Variants in NAV3 observed in about 807,000 individuals in gnomAD.
The protein encoded by NAV3 is neuron navigator 3, also known as pore membrane and/or filament interacting like protein 1.
A neutral mutation model predicts 244.7 loss-of-function variants in NAV3; 87 were observed. The ratio of observed to expected loss-of-function variants is 0.36; its 90% CI spans 0.30 to 0.42. The LOEUF is 0.42. Among genes scored for constraint, NAV3 ranks in the 20% least tolerant of loss-of-function variants. The probability of loss-of-function intolerance (pLI) is 1.00; values close to 1 mark genes in which losing one functional copy is unlikely to be tolerated. For synonymous variants in NAV3, 1,126 were observed against 1,042.2 expected (o/e 1.08, Z -1.55); for missense variants, 2,663 against 2,893.3 (o/e 0.92, Z 1.83).
chr12:77,920,916 T>A (rs1371036242), intron 1 of NAV3, among the ~76,000 whole-genome samples: 1 of 152,130 alleles, frequency 6.6e-6, no homozygotes, highest in African/African-American at 2.4e-5. Flanking sequence ...ATATGAATTA[T>A]TTGTTCATAT....
chr12:78,049,925 C>A (rs1017285481), intron 9 of NAV3, 68 bp from the exon 10 acceptor site: 4 of 975,930 alleles, frequency 4.1e-6, no homozygotes, highest in Non-Finnish European at 6.3e-6. Context: ...ACTTAATTAT[C>A]TAGGTATACA....
At chr12:78,126,346 A>G (rs1275573085) in intron 16 of NAV3, among the ~76,000 whole-genome samples, 6 of 152,318 alleles carry the variant, frequency 3.9e-5, no homozygotes, top group Admixed American at 6.5e-5. Flanking sequence ...GAAGAAAGCT[A>G]TAATTCTGCA....
rs2139849966 is a variant in NAV3, at chr12:78,188,614, T to C, written c.5892T>C (p.Tyr1964=). The C allele has an allele frequency of 6.2e-7, 1 of 1,610,576 alleles. No homozygotes were observed. Among genetic ancestry groups the C allele is most frequent in the African/African-American group, 1.3e-5 (1 of 74,898 alleles). Residue 1964 remains tyrosine, a synonymous_variant, in exon 33 of 40, where the codon TAT becomes TAC. Coordinates refer to ENST00000397909, the MANE Select transcript of NAV3 (RefSeq NM_001024383.2). ...TTTTGTGTGTACCATTGTAGGAATA[T>C]GTATTCCGAATTGATACATCCACTA... ...DGVIRRLFKE[Y]VFRIDTSTSL... is the part of the protein sequence containing the mutation.
chr12:77,869,845 A>G (rs115149707), intron 1 of NAV3, among the ~76,000 whole-genome samples: 78 of 152,300 alleles, frequency 5.1e-4, no homozygotes, highest in African/African-American at 1.8e-3. Flanking sequence ...CCACTAGTGT[A>G]TTTCTAATGT....
intron 2 of NAV3, among the ~76,000 whole-genome samples, chr12:77,649,611 G>A (rs1303072962): frequency 6.6e-6 from 1 of 152,040 alleles, no homozygotes; most frequent in Non-Finnish European, 1.5e-5. Flanking sequence ...ATAAAAGAAT[G>A]AAATTCATGT....
intron 1 of NAV3, among the ~76,000 whole-genome samples, chr12:77,933,448 T>A (rs1315799308): frequency 6.6e-6 from 1 of 152,236 alleles, no homozygotes; most frequent in African/African-American, 2.4e-5. Flanking sequence ...AATTTATGTT[T>A]ACTTTATAAT....
intron 1 of NAV3, among the ~76,000 whole-genome samples, chr12:77,911,067 G>C (rs1886535781): frequency 6.6e-6 from 1 of 152,070 alleles, no homozygotes; most frequent in Admixed American, 6.6e-5. Flanking sequence ...GAAGTACTGT[G>C]TTTACTATAG....
chr12:77,816,648 G>A (rs1166550747), intron 2 of NAV3, among the ~76,000 whole-genome samples: 2 of 152,026 alleles, frequency 1.3e-5, no homozygotes, highest in Non-Finnish European at 2.9e-5. Flanking sequence ...CAGCTAATAG[G>A]CTTTGGACAT....
chr12:78,133,979 A>G (rs1737340104), intron 18 of NAV3, among the ~76,000 whole-genome samples: 1 of 152,210 alleles, frequency 6.6e-6, no homozygotes, highest in African/African-American at 2.4e-5. Context: ...ACTCATTGTC[A>G]TGCCTCCATG....
chr12:78,145,103 G>C, intron 20 of NAV3: 1 of 283,502 alleles, frequency 3.5e-6, no homozygotes, highest in Non-Finnish European at 7.0e-6. Flanking sequence ...ACCAAACTGT[G>C]TATAAAACCT....
chr12:78,028,321 T>C (rs550961560), intron 9 of NAV3, among the ~76,000 whole-genome samples: 2 of 152,184 alleles, frequency 1.3e-5, no homozygotes, highest in African/African-American at 4.8e-5. Flanking sequence ...AATAGGCTGG[T>C]TGTGGAAATT....
chr12:77,718,358 A>G (rs1876457903), intron 2 of NAV3, among the ~76,000 whole-genome samples: 1 of 151,948 alleles, frequency 6.6e-6, no homozygotes, highest in African/African-American at 2.4e-5. Context: ...TAGCCTTGAG[A>G]CCCTTGTCAA....
chr12:77,781,267 G>A (rs958293928), intron 2 of NAV3, among the ~76,000 whole-genome samples: 1 of 152,114 alleles, frequency 6.6e-6, no homozygotes, highest in Admixed American at 6.5e-5. Flanking sequence ...GATGAGAATA[G>A]GGGATGGAAC....
At chr12:77,611,390 G>T (rs187585624) in intron 2 of NAV3, among the ~76,000 whole-genome samples, 1 of 152,040 alleles carries the variant, frequency 6.6e-6, no homozygotes, top group Admixed American at 6.6e-5. Context: ...AATTTCAAGT[G>T]AGTTTGGTGA....
chr12:78,036,126 G>C (rs1182838266), intron 9 of NAV3: 1 of 152,188 alleles, frequency 6.6e-6, no homozygotes, highest in Non-Finnish European at 1.5e-5. Flanking sequence ...TCTCGTACAG[G>C]CTTGGCTCAG....
At chr12:78,055,132 T>C (rs1883295329) in intron 11 of NAV3, among the ~76,000 whole-genome samples, 1 of 152,204 alleles carries the variant, frequency 6.6e-6, no homozygotes, top group South Asian at 2.1e-4. Context: ...GTGAATAATA[T>C]AGACATAGTA....
chr12:78,060,704 T>C (rs984378598), intron 12 of NAV3, among the ~76,000 whole-genome samples: 1 of 151,932 alleles, frequency 6.6e-6, no homozygotes, highest in African/African-American at 2.4e-5. Context: ...ACTACAAGGA[T>C]GTTATGAAAG....
chr12:77,735,949 G>T (rs1877316503), intron 2 of NAV3, among the ~76,000 whole-genome samples: 1 of 152,154 alleles, frequency 6.6e-6, no homozygotes, highest in Admixed American at 6.6e-5. Context: ...TCTGATGTCT[G>T]CATTTCCCCT....
intron 12 of NAV3, among the ~76,000 whole-genome samples, chr12:78,063,769 G>T (rs1290198676): frequency 1.3e-5 from 2 of 152,124 alleles, no homozygotes. Context: ...CAGCCTGGGA[G>T]AAATCAGAAG....
Sources: gnomAD v4.1 joint callset for allele counts (sites outside exome capture counted in the v4.1 genomes callset) on GRCh38, gnomAD v4.1.1 for gene constraint, MANE v1.5 for transcripts, NCBI Gene and HGNC (gene_info 2026-07-23, HGNC 2026-07-21) for gene names.